ANKRD39: variants seen among roughly 807,000 people sequenced by gnomAD.
ANKRD39 encodes the protein ankyrin repeat domain-containing protein 39.
Under a neutral mutation model 20.3 loss-of-function variants are expected in ANKRD39, and 18 were observed. The observed-to-expected ratio is 0.89, with a 90% CI of 0.61 to 1.32. The LOEUF is 1.32. Ranked by LOEUF, ANKRD39 falls within the 40% of genes most tolerant of loss-of-function variation. ANKRD39 has a pLI of 0.00. For synonymous variants in ANKRD39, 106 were observed against 111.9 expected (o/e 0.95, Z 0.33); for missense variants, 243 against 250.7 (o/e 0.97, Z 0.21).
In ANKRD39 at chr2:96,853,421, C is replaced by T. The variant is rs141598012; in HGVS notation, c.388G>A (p.Gly130Ser). 51 of 1,582,096 alleles carry T rather than the reference C, an allele frequency of 3.2e-5. No individual in the cohort carries two copies. In the African/African-American group the frequency reaches 4.2e-4, roughly 13 times the overall value. Residue 130 changes from glycine (G) to serine (S), a missense_variant, in exon 3 of 4, where the codon GGC becomes AGC. Transcript: ENST00000393537. ...CCCACCTTATGCAGACTGGTCATGC[C>T]GTCGTCATCCACCACCCTGGGGTTG... ...GSNPRVVDDD[G>S]MTSLHKAAER...
intron 3 of ANKRD39, among the ~76,000 whole-genome samples, chr2:96,851,808 A>C (rs1329607856): frequency 6.6e-6 from 1 of 152,144 alleles, no homozygotes; most frequent in African/African-American, 2.4e-5. Flanking sequence ...GGGTAGAAAC[A>C]AGCCACATAA....
chr2:96,850,115 T>C (rs1456822220), intron 3 of ANKRD39, among the ~76,000 whole-genome samples: 1 of 152,200 alleles, frequency 6.6e-6, no homozygotes, highest in Non-Finnish European at 1.5e-5. Flanking sequence ...ACCACTATTA[T>C]TTCCTACTCC....
At chr2:96,853,661 G>T in intron 2 of ANKRD39, 57 bp from the exon 3 acceptor site, 3 of 1,550,222 alleles carry the variant, frequency 1.9e-6, no homozygotes, top group Non-Finnish European at 2.6e-6. Context: ...GACAAGGGTG[G>T]TATAGAGGTG....
intron 3 of ANKRD39, 82 bp from the exon 4 acceptor site, chr2:96,848,526 C>T (rs2079821603): frequency 9.6e-6 from 15 of 1,559,058 alleles, no homozygotes; most frequent in Non-Finnish European, 1.2e-5. Flanking sequence ...AGTGGTTCTT[C>T]CTTCTAAAAA....
At position 96,857,918 on chromosome 2, in the gene ANKRD39, G is replaced by C. The variant is rs559384550; in HGVS notation, c.70C>G (p.Gln24Glu). 1.1e-5 allele frequency: 18 copies of C among 1,584,666 alleles called. No homozygotes were observed. Among genetic ancestry groups the C allele is most frequent in the Middle Eastern group, 1.7e-4 (1 of 6,040 alleles). Residue 24 changes from glutamine (Q) to glutamate (E), a missense_variant, in exon 1 of 4, where the codon CAG becomes GAG. By Grantham distance (29) the Gln-to-Glu change is conservative. Coordinates refer to ENST00000393537, the MANE Select transcript of ANKRD39 (RefSeq NM_016466.6). ...TCGAAGTCCATCTCCTCCAGCGTCT[G>C]CTGTACGCCGAGCACCGCGCTGGGA... The part of the protein sequence containing the change: ...SHPSAVLGVQ[Q>E]TLEEMDFERG...
intron 1 of ANKRD39, among the ~76,000 whole-genome samples, 165 bp from the exon 2 acceptor site, chr2:96,854,606 T>C (rs1391701736): frequency 6.6e-6 from 1 of 152,236 alleles, no homozygotes; most frequent in Non-Finnish European, 1.5e-5. Flanking sequence ...TGAATGCTGG[T>C]GACTTAGCTG....
In ANKRD39 at chr2:96,854,327, C is replaced by T. The variant is rs1000649302; in HGVS notation, c.204+11G>A. 1.2e-6 allele frequency: 2 copies of T among 1,613,456 alleles called. No individual in the cohort carries two copies. The highest frequency in any genetic ancestry group is 1.7e-5 in the Admixed American group (1 of 59,932). ...TTCTGTCTCCTGACCCTGTGCTCCT[C>T]CCTAGCTCACCAGCGCAGTGTAGCC... On this transcript the variant is annotated intron_variant, in intron 2 of 3. Coordinates refer to ENST00000393537, the MANE Select transcript of ANKRD39 (RefSeq NM_016466.6).
At chr2:96,851,403 G>A (rs1004014538) in intron 3 of ANKRD39, among the ~76,000 whole-genome samples, 6 of 152,176 alleles carry the variant, frequency 3.9e-5, no homozygotes, top group African/African-American at 9.6e-5. Flanking sequence ...TGATCTGCCC[G>A]CCTCAGCCTC....
In ANKRD39 at chr2:96,853,391, A is replaced by ATC; in HGVS notation, c.408+9_408+10insGA. On this transcript the variant is annotated intron_variant, in intron 3 of 3. Transcript: ENST00000393537. ...GGAAACGACATTTTTGGAAGGGGGA[A>ATC]CGGGCCCACCTTATGCAGACTGGTC... The ATC allele has an allele frequency of 6.4e-7, 1 of 1,563,046 alleles. No homozygotes were observed. Among genetic ancestry groups the ATC allele is most frequent in the Non-Finnish European group, 8.7e-7 (1 of 1,153,094 alleles).
chr2:96,854,493 C>G (rs1292510857), intron 1 of ANKRD39, 52 bp from the exon 2 acceptor site: 1 of 1,548,632 alleles, frequency 6.5e-7, no homozygotes, highest in Non-Finnish European at 8.9e-7. Context: ...AGTTTCAGTG[C>G]TTGCTTTGCC....
At chr2:96,853,157 G>C (rs1025019328) in intron 3 of ANKRD39, among the ~76,000 whole-genome samples, 2 of 152,164 alleles carry the variant, frequency 1.3e-5, no homozygotes, top group Admixed American at 6.5e-5. Flanking sequence ...TATGGAAAAG[G>C]CTTCATGACA....
intron 2 of ANKRD39, among the ~76,000 whole-genome samples, chr2:96,854,110 G>C (rs1165557255): frequency 6.6e-6 from 1 of 152,236 alleles, no homozygotes; most frequent in Non-Finnish European, 1.5e-5. Flanking sequence ...CTGGGTAACA[G>C]AGCAAGACTT....
intron 1 of ANKRD39, among the ~76,000 whole-genome samples, chr2:96,857,362 G>A (rs2079870448): frequency 6.6e-6 from 1 of 152,176 alleles, no homozygotes; most frequent in Non-Finnish European, 1.5e-5. Flanking sequence ...TGGGCCAAAC[G>A]TGTTACCTCT....
At chr2:96,855,613 C>T (rs1281971690) in intron 1 of ANKRD39, among the ~76,000 whole-genome samples, 1 of 151,902 alleles carries the variant, frequency 6.6e-6, no homozygotes, top group Non-Finnish European at 1.5e-5. Context: ...GTCCCAGCTA[C>T]TCAGGGGGCT....
At chr2:96,854,227 A>G in intron 2 of ANKRD39, 111 bp downstream of exon 2, 1 of 1,129,976 alleles carries the variant, frequency 8.8e-7, no homozygotes, top group South Asian at 1.6e-5. Flanking sequence ...GCTGGAAGAG[A>G]AGAAAGGGAG....
intron 1 of ANKRD39, among the ~76,000 whole-genome samples, 174 bp downstream of exon 1, chr2:96,857,714 C>T (rs1225155481): frequency 1.3e-5 from 2 of 152,254 alleles, no homozygotes; most frequent in East Asian, 1.9e-4. Flanking sequence ...CGTGCGGGGC[C>T]CTGGGAGGCT....
At chr2:96,852,124 T>C (rs1263548214) in intron 3 of ANKRD39, among the ~76,000 whole-genome samples, 7 of 152,002 alleles carry the variant, frequency 4.6e-5, no homozygotes, top group African/African-American at 1.5e-4. Context: ...GGTAGGAGCA[T>C]TGCTTGAGCC....
chr2:96,854,189 T>C, intron 2 of ANKRD39, 149 bp downstream of exon 2: 1 of 760,786 alleles, frequency 1.3e-6, no homozygotes, highest in Non-Finnish European at 2.1e-6. Context: ...AAATCCAGGT[T>C]CATATGATGC....
rs759290171 is a variant in ANKRD39, at chr2:96,853,542, C to T, written c.267G>A (p.Lys89=). The change falls in exon 3 of 4, where the codon AAG becomes AAA. Residue 89 remains lysine (K), a synonymous_variant. Transcript: ENST00000393537. ...CACCCCCGTGGGTCTGGGCATCACA[C>T]TTAGCTCCGCTTTCCAGCAGGAACT... ...VCQFLLESGA[K]CDAQTHGGAT... 5 of 1,613,068 alleles carry T rather than the reference C, an allele frequency of 3.1e-6. No individual in the cohort carries two copies. In the East Asian group the frequency reaches 8.9e-5, roughly 29 times the overall value.
Sources: allele counts gnomAD v4.1 joint callset (sites outside exome capture counted in the v4.1 genomes callset), GRCh38; gene constraint gnomAD v4.1.1; transcripts MANE v1.5; gene names NCBI Gene and HGNC (gene_info 2026-07-23, HGNC 2026-07-21).